The following DNAJC7 variants were observed in gnomAD, a reference collection of about 807,000 sequenced individuals.
DNAJC7 encodes the protein dnaJ homolog subfamily C member 7.
DNAJC7 carries 18 observed loss-of-function variants against 67.4 expected under a neutral mutation model. The ratio of observed to expected loss-of-function variants is 0.27; its 90% CI spans 0.18 to 0.40. The LOEUF is 0.40. DNAJC7 is among the 10% of genes least tolerant of loss of function. The pLI is 1.00. For missense variants in DNAJC7, 419 were observed against 613.8 expected, an observed-to-expected ratio of 0.68 and a Z score of 3.35; for synonymous variants, 220 against 207.8, an observed-to-expected ratio of 1.06 and a Z score of -0.50.
chr17:42,006,390 C>A (rs1382161995), intron 1 of DNAJC7, among the ~76,000 whole-genome samples: 1 of 151,554 alleles, frequency 6.6e-6, no homozygotes, highest in Non-Finnish European at 1.5e-5. Flanking sequence ...ATTATAGGCT[C>A]ACGCCTATAA....
intron 7 of DNAJC7, 60 bp downstream of exon 7, chr17:41,989,343 GC>G (rs2051456585): frequency 6.3e-7 from 1 of 1,582,234 alleles, no homozygotes; most frequent in Middle Eastern, 2.1e-4. Flanking sequence ...TTCCACTCTA[GC>G]CATCTTAAAG....
intron 12 of DNAJC7, among the ~76,000 whole-genome samples, chr17:41,978,314 G>A (rs1008488836): frequency 3.3e-5 from 5 of 152,142 alleles, no homozygotes; most frequent in Non-Finnish European, 5.9e-5. Flanking sequence ...GCATCTGTGT[G>A]TCTTCCTGGG....
At chr17:41,977,554 C>T (rs1195653732) in intron 12 of DNAJC7, 1 of 397,490 alleles carries the variant, frequency 2.5e-6, no homozygotes, top group Non-Finnish European at 4.5e-6. Flanking sequence ...AACTGCTGCC[C>T]CAAAGGAAGC....
rs56241333 is a variant in DNAJC7, at chr17:42,000,413, CT to C, written c.166+68del. ...GGATTACAGGCGTGAGCCACCAGGA[CT>C]TGGCAGCTACTTTTAATAATATTTG... On this transcript the variant is annotated intron_variant, in intron 2 of 13. Transcript: ENST00000457167. 1,282,013 of 1,282,022 alleles carry C rather than the reference CT, an allele frequency of 1. 641,002 individuals are homozygous for C. The highest frequency in any genetic ancestry group is 1 in the Middle Eastern group (3,810 of 3,810). 79.4% of individuals were successfully genotyped at this position (1,282,022 alleles called of 1,614,324 possible).
At chr17:41,994,835 A>T in intron 5 of DNAJC7, 35 bp downstream of exon 5, 1 of 1,597,936 alleles carries the variant, frequency 6.3e-7, no homozygotes, top group Non-Finnish European at 8.6e-7. Context: ...TTTGCGACAA[A>T]GAGCAGATGA....
intron 1 of DNAJC7, 119 bp downstream of exon 1, chr17:42,017,221 G>C (rs1281594091): frequency 3.1e-6 from 5 of 1,597,270 alleles, no homozygotes; most frequent in Non-Finnish European, 4.2e-6. Flanking sequence ...CAGATGGGGG[G>C]GTGTTTGCGG....
At chr17:41,998,888 TAGA>T (rs1480800382) in intron 2 of DNAJC7, among the ~76,000 whole-genome samples, 8 of 152,230 alleles carry the variant, frequency 5.3e-5, no homozygotes, top group African/African-American at 1.2e-4. Context: ...CCACCCCAGT[TAGA>T]AGAAGTTATC....
chr17:41,977,151 T>C lies in DNAJC7; in HGVS notation c.1447+110A>G, dbSNP rs2051106443. 2.2e-5 allele frequency: 25 copies of C among 1,116,374 alleles called. No individual in the cohort carries two copies. The South Asian group carries it at 2.3e-4, about 10-fold the overall frequency. 69.2% of individuals were successfully genotyped at this position (1,116,374 alleles called of 1,614,324 possible). The stretch of plus-strand genomic sequence containing the variant: ...GGATAGATGCCCTGCTAGATGAGAA[T>C]TCAGCTGCCCCCGCTCATGGGCCCC... On this transcript the variant is annotated intron_variant, in intron 13 of 13. Coordinates refer to ENST00000457167, the MANE Select transcript of DNAJC7 (RefSeq NM_003315.4).
intron 1 of DNAJC7, among the ~76,000 whole-genome samples, chr17:42,009,623 T>A (rs2052064576): frequency 6.6e-6 from 1 of 152,210 alleles, no homozygotes; most frequent in Non-Finnish European, 1.5e-5. Context: ...CACTTATCCC[T>A]GGGGAGAGGA....
At chr17:42,010,286 C>T (rs2052082098) in intron 1 of DNAJC7, among the ~76,000 whole-genome samples, 1 of 150,830 alleles carries the variant, frequency 6.6e-6, no homozygotes, top group South Asian at 2.1e-4. Flanking sequence ...GAGTTCGAGA[C>T]CAGACTGACC....
chr17:41,982,435 C>T (rs781863396), intron 10 of DNAJC7, 34 bp from the exon 11 acceptor site: 2 of 1,609,442 alleles, frequency 1.2e-6, no homozygotes, highest in Non-Finnish European at 1.7e-6. Flanking sequence ...GTGGACAAAT[C>T]TGACTCTGGT....
At chr17:41,984,194 G>A (rs1049653026) in intron 9 of DNAJC7, 2 of 152,156 alleles carry the variant, frequency 1.3e-5, no homozygotes, top group Non-Finnish European at 2.9e-5. Flanking sequence ...AGACAGAAAA[G>A]GGAACTCTAA....
intron 12 of DNAJC7, 137 bp from the exon 13 acceptor site, chr17:41,977,460 A>C: frequency 1.4e-5 from 11 of 759,322 alleles, no homozygotes; most frequent in Non-Finnish European, 2.2e-5. Context: ...CCAACACTTC[A>C]GACTGCAAGT....
At chr17:41,976,968 T>C (rs1176944460) in intron 13 of DNAJC7, 198 bp from the exon 14 acceptor site, 1 of 671,828 alleles carries the variant, frequency 1.5e-6, no homozygotes, top group Non-Finnish European at 2.5e-6. Flanking sequence ...GCTTCTGACC[T>C]CAGCATTATC....
In DNAJC7 at chr17:41,987,919, G is replaced by GAC; in HGVS notation, c.919-10_919-9insGT. On this transcript the variant is annotated splice_polypyrimidine_tract_variant and intron_variant, in intron 8 of 13. Transcript: ENST00000457167. ...TCATCTAGTTTCCTAAGCTTCAGGA[G>GAC]AGAGAGAGCAATCATACTTCACACC... 1 of 1,605,368 alleles carries GAC rather than the reference G, an allele frequency of 6.2e-7. No individual in the cohort carries two copies. The highest frequency in any genetic ancestry group is 8.5e-7 in the Non-Finnish European group (1 of 1,175,474).
At chr17:41,978,667 G>C (rs2051156523) in intron 12 of DNAJC7, among the ~76,000 whole-genome samples, 1 of 151,892 alleles carries the variant, frequency 6.6e-6, no homozygotes, top group Non-Finnish European at 1.5e-5. Flanking sequence ...AGATCATCCT[G>C]GCTAACAAAG....
At position 42,017,032 on chromosome 17, in the gene DNAJC7, T is replaced by C; in HGVS notation, c.77+308A>G. 3.0e-6 allele frequency: 4 copies of C among 1,326,260 alleles called. No homozygotes were observed. In the African/African-American group the frequency reaches 6.0e-5, roughly 20 times the overall value. The allele number at this position is 1,326,260 out of a possible 1,614,324, so 82.2% of individuals were successfully genotyped here. A position where few individuals can be genotyped will look rare whatever the true frequency, so the allele number is the denominator to read the frequency against. On this transcript the variant is annotated intron_variant, in intron 1 of 13. Coordinates refer to ENST00000457167, the MANE Select transcript of DNAJC7 (RefSeq NM_003315.4). ...AAGTCGTCATCGACGCCGCGCCGCT[T>C]CCCCCACCTCGCACCAGACCTCTGA...
intron 5 of DNAJC7, among the ~76,000 whole-genome samples, chr17:41,993,010 C>T (rs1555647997): frequency 6.6e-6 from 1 of 152,182 alleles, no homozygotes; most frequent in African/African-American, 2.4e-5. Context: ...TTATGAATTA[C>T]ATTACAAAGA....
In DNAJC7 at chr17:41,994,772, C is replaced by G. The variant is rs1334689891; in HGVS notation, c.480+98G>C. ...TAAGTGATAATTTACTATTCTAGAG[C>G]TTTTGTGCCATACTACTCCTCTTAA... On this transcript the variant is annotated intron_variant, in intron 5 of 13. Transcript: ENST00000457167. The G allele has an allele frequency of 6.6e-5, 65 of 990,772 alleles. No individual in the cohort carries two copies. In the Admixed American group the frequency reaches 1.3e-3, roughly 20 times the overall value. The allele number at this position is 990,772 out of a possible 1,614,324, so 61.4% of individuals were successfully genotyped here. A position where few individuals can be genotyped will look rare whatever the true frequency, so the allele number is the denominator to read the frequency against.
Sources: gnomAD v4.1 joint callset for allele counts (sites outside exome capture counted in the v4.1 genomes callset) on GRCh38, gnomAD v4.1.1 for gene constraint, MANE v1.5 for transcripts, NCBI Gene and HGNC (gene_info 2026-07-23, HGNC 2026-07-21) for gene names.